The following VPS26C variants were observed in gnomAD, a reference collection of about 807,000 sequenced individuals.
VPS26C encodes vacuolar protein sorting-associated protein 26C.
A neutral mutation model predicts 30.6 loss-of-function variants in VPS26C; 19 were observed. That is an observed-to-expected ratio of 0.62 (90% CI 0.43 to 0.91). The LOEUF (loss-of-function observed/expected upper bound fraction) is 0.91. Ranked by LOEUF, VPS26C falls within the 40% of genes least tolerant of loss-of-function variation. The pLI is 0.00. For synonymous variants in VPS26C, 132 were observed against 151.5 expected (o/e 0.87, Z 0.95); for missense variants, 318 against 385.1 (o/e 0.83, Z 1.46).
Position 37,224,034 on chromosome 21 carries a change from A to G in VPS26C, c.*1510T>C, listed in dbSNP as rs1268381773. The G allele has an allele frequency of 2.0e-5, 3 of 152,248 alleles. No homozygotes were observed. Among genetic ancestry groups the G allele is most frequent in the Non-Finnish European group, 4.4e-5 (3 of 68,056 alleles). The allele number at this position is 152,248 out of a possible 1,614,324, so 9.4% of individuals were successfully genotyped here. ...GAGGAAATGCTGGCTTTAGGCCAAA[A>G]AACCCTGGCTCAAAACAGCTTCCTC... On this transcript the variant is annotated 3_prime_UTR_variant, in exon 8 of 8. Transcript: ENST00000309117.
chr21:37,264,944 A>T lies in VPS26C; in HGVS notation c.57+2294T>A, dbSNP rs112225979. ...TGATCTATCCATACAATGGAATATT[A>T]TTCAGCCACAGAAAGGAATGAGGAA... On this transcript the variant is annotated intron_variant, in intron 1 of 7. Transcript: ENST00000309117. Among the ~76,000 whole-genome samples, 1,276 of 152,386 alleles carry T rather than the reference A, an allele frequency of 8.4e-3. 10 individuals are homozygous for T. The highest frequency in any genetic ancestry group is 0.029 in the African/African-American group (1,226 of 41,590).
At chr21:37,251,094 T>C (rs959436114) in intron 1 of VPS26C, among the ~76,000 whole-genome samples, 2 of 152,186 alleles carry the variant, frequency 1.3e-5, no homozygotes, top group South Asian at 2.1e-4. Context: ...TGTCATTACA[T>C]TGTGTTGCCA....
rs116588028 is a variant in VPS26C, at chr21:37,234,343, T to C, written c.352-901A>G. Reference sequence around the variant, plus strand: ...GCTTTTTTAATGTGGCAGAGCCGCATTCCATTTCTCTGCTGTCCCTAGGTT... The same window carrying C: ...GCTTTTTTAATGTGGCAGAGCCGCACTCCATTTCTCTGCTGTCCCTAGGTT... On this transcript the variant is annotated intron_variant, in intron 3 of 7. Transcript: ENST00000309117. 2.9e-3 allele frequency among the ~76,000 whole-genome samples: 446 copies of C among 152,360 alleles called. 1 individual carries two copies. Among genetic ancestry groups the C allele is most frequent in the African/African-American group, 0.011 (437 of 41,588 alleles).
chr21:37,225,682 C>G, intron 7 of VPS26C, 56 bp from the exon 8 acceptor site: 1 of 1,442,066 alleles, frequency 6.9e-7, no homozygotes. Context: ...AGCGAAACCA[C>G]ACGCCGCCAC....
intron 3 of VPS26C, 125 bp downstream of exon 3, chr21:37,238,335 C>T (rs1480637456): frequency 1.7e-5 from 18 of 1,080,146 alleles, no homozygotes; most frequent in South Asian, 9.9e-5. Flanking sequence ...AATATACATG[C>T]GAGGTCTCAG....
chr21:37,243,280 G>A (rs921428958), intron 1 of VPS26C, among the ~76,000 whole-genome samples: 21 of 152,118 alleles, frequency 1.4e-4, no homozygotes, highest in African/African-American at 4.8e-4. Context: ...CTTCAACTGG[G>A]GGCCGTGACT....
chr21:37,238,565 C>A lies in VPS26C; in HGVS notation c.246G>T (p.Gly82=). Residue 82 remains glycine, a synonymous_variant, in exon 3 of 8, where the codon GGG becomes GGT. Transcript: ENST00000309117. ...TTTCTGTTTTGCCGCTGGGAAATTTCCCCGGCTTCACCATTTCTATGGTGC... is the reference window on the plus strand; with the variant it reads ...TTTCTGTTTTGCCGCTGGGAAATTTACCCGGCTTCACCATTTCTATGGTGC... ...INSTIEMVKP[G]KFPSGKTEIP... 1 of 1,614,160 alleles carries A rather than the reference C, an allele frequency of 6.2e-7. No homozygotes were observed. Among genetic ancestry groups the A allele is most frequent in the Non-Finnish European group, 8.5e-7 (1 of 1,180,038 alleles).
chr21:37,261,060 G>C (rs1387184687), intron 1 of VPS26C: 2 of 152,152 alleles, frequency 1.3e-5, no homozygotes, highest in African/African-American at 4.8e-5. Flanking sequence ...GGTGAGTACT[G>C]CCAGGCCCAG....
chr21:37,240,340 C>T (rs1386992113), intron 2 of VPS26C, among the ~76,000 whole-genome samples, 156 bp downstream of exon 2: 1 of 151,974 alleles, frequency 6.6e-6, no homozygotes, highest in Non-Finnish European at 1.5e-5. Flanking sequence ...GCCCAGGCTA[C>T]TCTCAAACTC....
At position 37,224,180 on chromosome 21, in the gene VPS26C, A is replaced by G. The variant is rs2085875669; in HGVS notation, c.*1364T>C. The G allele has an allele frequency of 6.6e-6, 1 of 152,284 alleles. No homozygotes were observed. Among genetic ancestry groups the G allele is most frequent in the Non-Finnish European group, 1.5e-5 (1 of 68,070 alleles). The allele number at this position is 152,284 out of a possible 1,614,324, so 9.4% of individuals were successfully genotyped here. ...GGTTTCTGCTGTTCAGAACCTACCCAGTAACAACAGGAGCAAACATACATG... is the reference window on the plus strand; with the variant it reads ...GGTTTCTGCTGTTCAGAACCTACCCGGTAACAACAGGAGCAAACATACATG... On this transcript the variant is annotated 3_prime_UTR_variant, in exon 8 of 8. Coordinates refer to ENST00000309117, the MANE Select transcript of VPS26C (RefSeq NM_006052.2).
Position 37,224,376 on chromosome 21 carries a change from G to T in VPS26C, c.*1168C>A, listed in dbSNP as rs1128922. 2.0e-5 allele frequency: 3 copies of T among 151,854 alleles called. No individual in the cohort carries two copies. Among genetic ancestry groups the T allele is most frequent in the African/African-American group, 7.3e-5 (3 of 41,320 alleles). The allele number at this position is 151,854 out of a possible 1,614,324, so 9.4% of individuals were successfully genotyped here. A position where few individuals can be genotyped will look rare whatever the true frequency, so the allele number is the denominator to read the frequency against. Reference sequence around the variant, plus strand: ...GGGAGACCCTGTCTACAAAAAATTTGAAAATTAGCTGAGTGTGGTGGCACT... The same window carrying T: ...GGGAGACCCTGTCTACAAAAAATTTTAAAATTAGCTGAGTGTGGTGGCACT... On this transcript the variant is annotated 3_prime_UTR_variant, in exon 8 of 8. Transcript: ENST00000309117.
intron 1 of VPS26C, chr21:37,260,938 G>A (rs1466698004): frequency 6.6e-6 from 1 of 152,114 alleles, no homozygotes; most frequent in East Asian, 1.9e-4. Flanking sequence ...CAATACCATA[G>A]TTTCCCCTTT....
chr21:37,228,538 A>G, intron 5 of VPS26C, 165 bp from the exon 6 acceptor site: 2 of 671,742 alleles, frequency 3.0e-6, no homozygotes, highest in Admixed American at 2.9e-5. Context: ...GACGTCTTGG[A>G]CATTAGCCGG....
intron 1 of VPS26C, among the ~76,000 whole-genome samples, chr21:37,266,583 C>T (rs1246373014): frequency 6.6e-6 from 1 of 152,176 alleles, no homozygotes; most frequent in East Asian, 1.9e-4. Flanking sequence ...CAAATAAGGA[C>T]ACTGAGGCCC....
At chr21:37,228,118 G>A in intron 6 of VPS26C, 105 bp downstream of exon 6, 1 of 1,463,840 alleles carries the variant, frequency 6.8e-7, no homozygotes, top group Non-Finnish European at 9.2e-7. Context: ...GGATTACAGG[G>A]GTGCGCCACT....
intron 5 of VPS26C, chr21:37,229,408 C>G (rs1227596945): frequency 2.6e-5 from 4 of 152,176 alleles, no homozygotes; most frequent in African/African-American, 7.2e-5. Context: ...TGGGCTTGGT[C>G]TAGACAGAGA....
chr21:37,267,100 C>A (rs865880796), intron 1 of VPS26C, 138 bp downstream of exon 1: 7 of 822,098 alleles, frequency 8.5e-6, no homozygotes, highest in Non-Finnish European at 1.0e-5. Flanking sequence ...CGGGAACGCA[C>A]CCACCTTGGC....
At chr21:37,232,696 C>G (rs2085978581) in intron 4 of VPS26C, 1 of 579,572 alleles carries the variant, frequency 1.7e-6, no homozygotes, top group African/African-American at 1.9e-5. Flanking sequence ...CTTTCAGATT[C>G]AGAATTTTAA....
intron 1 of VPS26C, among the ~76,000 whole-genome samples, chr21:37,250,956 A>C (rs1296553216): frequency 6.6e-6 from 1 of 152,068 alleles, no homozygotes; most frequent in Non-Finnish European, 1.5e-5. Flanking sequence ...AAAATGAAAA[A>C]AAAAAGGGCA....
Sources: allele counts gnomAD v4.1 joint callset (sites outside exome capture counted in the v4.1 genomes callset), GRCh38; gene constraint gnomAD v4.1.1; transcripts MANE v1.5; gene names NCBI Gene and HGNC (gene_info 2026-07-23, HGNC 2026-07-21).